DIP2C: variants seen among roughly 807,000 people sequenced by gnomAD.
DIP2C encodes the protein disco-interacting protein 2 homolog C.
A neutral mutation model predicts 192.4 loss-of-function variants in DIP2C; 33 were observed. That is an observed-to-expected ratio of 0.17 (90% confidence interval 0.13 to 0.23). The LOEUF (loss-of-function observed/expected upper bound fraction) is 0.23, where lower values mean the gene tolerates loss of function less well. Ranked by LOEUF, DIP2C falls within the 10% of genes least tolerant of loss-of-function variation. The pLI, the probability that DIP2C is intolerant of heterozygous loss-of-function variation, is 1.00. For synonymous variants in DIP2C, 979 were observed against 864.1 expected (o/e 1.13, Z -2.33); for missense variants, 1,537 against 2,110.1 (o/e 0.73, Z 5.32).
intron 4 of DIP2C, chr10:437,521 G>A (rs1195974568): frequency 2.0e-5 from 3 of 152,302 alleles, no homozygotes; most frequent in Admixed American, 1.3e-4. Flanking sequence ...CCAGGCAGAG[G>A]GCAAATGTAC....
Position 390,815 on chromosome 10 carries a change from T to A in DIP2C, c.1309A>T (p.Thr437Ser). 6.2e-7 allele frequency: 1 copy of A among 1,614,126 alleles called. No homozygotes were observed. The highest frequency in any genetic ancestry group is 8.5e-7 in the Non-Finnish European group (1 of 1,180,010). Residue 437 changes from threonine to serine, a missense_variant, in exon 11 of 37, where the codon ACT becomes TCT. Thr to Ser is a moderately conservative substitution (Grantham distance 58, BLOSUM62 1). Transcript: ENST00000280886. ...IGFLLGSCGV[T>S]VALTSDACHK... is the part of the protein sequence containing the mutation. The stretch of plus-strand genomic sequence containing the variant: ...CAGGCGTCACTAGTCAAGGCTACAG[T>A]AACTCCACAGCTTCCAAGCAAGAAA...
At chr10:306,627 G>A (rs1278429379) in intron 32 of DIP2C, among the ~76,000 whole-genome samples, 1 of 152,210 alleles carries the variant, frequency 6.6e-6, no homozygotes, top group Non-Finnish European at 1.5e-5. Context: ...TAACAAGAAA[G>A]AAATAAGATC....
At chr10:343,095 C>T (rs1958239365) in intron 28 of DIP2C, among the ~76,000 whole-genome samples, 2 of 152,104 alleles carry the variant, frequency 1.3e-5, no homozygotes, top group South Asian at 2.1e-4. Context: ...CGAGAACATC[C>T]TGGCTAACAC....
At chr10:366,527 A>G in intron 18 of DIP2C, 116 bp from the exon 19 acceptor site, 1 of 1,415,038 alleles carries the variant, frequency 7.1e-7, no homozygotes, top group Non-Finnish European at 9.6e-7. Context: ...GGTCTGGAGC[A>G]AAACTGCACG....
intron 2 of DIP2C, among the ~76,000 whole-genome samples, chr10:482,312 C>T (rs917797821): frequency 5.3e-5 from 8 of 152,156 alleles, no homozygotes; most frequent in African/African-American, 1.4e-4. Context: ...CAGAGGCCTC[C>T]GGTGCAGACA....
Position 379,204 on chromosome 10 carries a change from C to G in DIP2C, c.1991+3443G>C, listed in dbSNP as rs1181070923. On this transcript the variant is annotated intron_variant, in intron 17 of 36. Coordinates refer to ENST00000280886, the MANE Select transcript of DIP2C (RefSeq NM_014974.3). Reference sequence around the variant, plus strand: ...GTGCCACGCCCCCCCCCCCCCCCCCCACAACCCCTGACAGCTGCTGCTGGC... The same window carrying G: ...GTGCCACGCCCCCCCCCCCCCCCCCGACAACCCCTGACAGCTGCTGCTGGC... Among the ~76,000 whole-genome samples, 88 of 27,784 alleles carry G rather than the reference C, an allele frequency of 3.2e-3. 2 individuals carry two copies. The highest frequency in any genetic ancestry group is 6.0e-3 in the Non-Finnish European group (78 of 13,036). The allele number at this position is 27,784 out of a possible 152,430, so 18.2% of individuals were successfully genotyped here.
At chr10:346,559 T>A (rs74896765) in intron 26 of DIP2C, among the ~76,000 whole-genome samples, 2 of 5,796 alleles carry the variant, frequency 3.5e-4, no homozygotes, top group Admixed American at 2.4e-3. Flanking sequence ...CCCAGACACA[T>A]CGCGCATAGT....
At chr10:684,464 T>C (rs1831240274) in intron 1 of DIP2C, among the ~76,000 whole-genome samples, 1 of 152,198 alleles carries the variant, frequency 6.6e-6, no homozygotes, top group African/African-American at 2.4e-5. Context: ...TCAATGAAGC[T>C]CAGCTTTCCC....
intron 1 of DIP2C, among the ~76,000 whole-genome samples, chr10:508,051 C>A (rs987918719): frequency 1.3e-5 from 2 of 152,190 alleles, no homozygotes; most frequent in African/African-American, 4.8e-5. Context: ...CCTTCCCTCC[C>A]TTTCCAAGCA....
intron 4 of DIP2C, among the ~76,000 whole-genome samples, chr10:424,653 C>CG (rs1156865039): frequency 1.3e-5 from 2 of 152,122 alleles, no homozygotes; most frequent in Non-Finnish European, 2.9e-5. Flanking sequence ...CCTGAGCCAC[C>CG]GCTCCTGGCC....
chr10:378,908 GAC>G (rs1343366097), intron 17 of DIP2C, among the ~76,000 whole-genome samples: 8 of 152,238 alleles, frequency 5.3e-5, no homozygotes, highest in East Asian at 1.9e-4. Flanking sequence ...TAAAGACACG[GAC>G]ACAGACATGC....
rs544920735 is a variant in DIP2C, at chr10:435,996, T to C, written c.394+4875A>G. Among the ~76,000 whole-genome samples, 5 of 151,972 alleles carry C rather than the reference T, an allele frequency of 3.3e-5. No homozygotes were observed. The South Asian group carries it at 6.2e-4, about 19-fold the overall frequency. On this transcript the variant is annotated intron_variant, in intron 4 of 36. Transcript: ENST00000280886. ...AAATATATAAACAGGTACAATTAAT[T>C]TTATTAATATACTTTTAACTCAAAA...
chr10:444,971 T>A (rs960347092), intron 3 of DIP2C, among the ~76,000 whole-genome samples: 1 of 152,206 alleles, frequency 6.6e-6, no homozygotes. Context: ...ATATGGTAAA[T>A]GTACACATTT....
At chr10:603,255 C>T (rs1044865803) in intron 1 of DIP2C, among the ~76,000 whole-genome samples, 2 of 127,716 alleles carry the variant, frequency 1.6e-5, no homozygotes, top group Middle Eastern at 5.6e-3. Flanking sequence ...GCCGAGGCTG[C>T]GCCACTGTAC....
intron 26 of DIP2C, 76 bp from the exon 27 acceptor site, chr10:345,186 G>T: frequency 7.5e-7 from 1 of 1,327,202 alleles, no homozygotes; most frequent in Non-Finnish European, 1.1e-6. Context: ...CGGGTCTCCT[G>T]CTTACTACAT....
intron 5 of DIP2C, among the ~76,000 whole-genome samples, chr10:420,456 G>C (rs12570924): frequency 1.3e-5 from 2 of 152,156 alleles, no homozygotes; most frequent in Non-Finnish European, 2.9e-5. Flanking sequence ...TCAGTGCCAC[G>C]ACATTCCACC....
intron 1 of DIP2C, among the ~76,000 whole-genome samples, chr10:627,288 C>T (rs1220590023): frequency 1.3e-5 from 2 of 152,220 alleles, no homozygotes; most frequent in African/African-American, 4.8e-5. Context: ...TGCTGTGGGT[C>T]GGGAAACCCT....
chr10:580,835 ACTTT>A (rs775304938), intron 1 of DIP2C, among the ~76,000 whole-genome samples: 1 of 152,188 alleles, frequency 6.6e-6, no homozygotes, highest in Admixed American at 6.5e-5. Context: ...GGGCGCAACC[ACTTT>A]CTGTCAGAGC....
intron 1 of DIP2C, among the ~76,000 whole-genome samples, chr10:674,818 A>AGAGG (rs1830813331): frequency 6.8e-6 from 1 of 146,848 alleles, no homozygotes. Context: ...AGAGAGAGAG[A>AGAGG]GAGAGAGAGA....
Sources: allele counts gnomAD v4.1 joint callset (sites outside exome capture counted in the v4.1 genomes callset), GRCh38; gene constraint gnomAD v4.1.1; transcripts MANE v1.5; gene names NCBI Gene and HGNC (gene_info 2026-07-23, HGNC 2026-07-21).